AP5Z1: variants seen among roughly 807,000 people sequenced by gnomAD.
The protein encoded by AP5Z1 is AP-5 complex subunit zeta-1.
A neutral mutation model predicts 83.0 loss-of-function variants in AP5Z1; 106 were observed. That is an observed-to-expected ratio of 1.28 (90% CI 1.09 to 1.50). AP5Z1 has a LOEUF of 1.50. Ranked by LOEUF, AP5Z1 falls within the 40% of genes most tolerant of loss-of-function variation. The pLI is 0.00. For missense variants in AP5Z1, 1,565 were observed against 1,094.2 expected, an observed-to-expected ratio of 1.43 and a Z score of -6.07; for synonymous variants, 751 against 514.1, an observed-to-expected ratio of 1.46 and a Z score of -6.23.
intron 7 of AP5Z1, 135 bp from the exon 8 acceptor site, chr7:4,785,280 A>T: frequency 1.2e-5 from 16 of 1,336,616 alleles, no homozygotes; most frequent in Non-Finnish European, 1.2e-5. Context: ...CCTCAGTCCC[A>T]CTCAAGTCCT....
Position 4,784,933 on chromosome 7 carries a change from C to T in AP5Z1, c.816C>T (p.Ser272=). 1 of 1,611,936 alleles carries T rather than the reference C, an allele frequency of 6.2e-7. No individual in the cohort carries two copies. The highest frequency in any genetic ancestry group is 8.5e-7 in the Non-Finnish European group (1 of 1,179,414). The change falls in exon 7 of 17, where the codon TCC becomes TCT. Residue 272 remains serine, a synonymous_variant. Transcript: ENST00000649063. ...ATGACAGGTCAGAGCAGGAGGGCTC[C>T]ACTCTGTCGGTGATCTCCGCCACCT... ...DTDDRSEQEG[S]TLSVISATSS...
In AP5Z1 at chr7:4,792,071, G is replaced by A. The variant is rs903469949; in HGVS notation, c.*686G>A. On this transcript the variant is annotated 3_prime_UTR_variant, in exon 17 of 17. Coordinates refer to ENST00000649063, the MANE Select transcript of AP5Z1 (RefSeq NM_014855.3). ...AGGCTGCGGCCTCTGGCCATTCGGAGGGAAGGCCCCAGGGAGCCACCTGAG... is the reference window on the plus strand; with the variant it reads ...AGGCTGCGGCCTCTGGCCATTCGGAAGGAAGGCCCCAGGGAGCCACCTGAG... 2 of 152,306 alleles carry A rather than the reference G, an allele frequency of 1.3e-5. No individual in the cohort carries two copies. Among genetic ancestry groups the A allele is most frequent in the East Asian group, 3.9e-4 (2 of 5,184 alleles). 9.4% of individuals were successfully genotyped at this position (152,306 alleles called of 1,614,324 possible).
chr7:4,784,007 C>T (rs1200339519), intron 5 of AP5Z1, among the ~76,000 whole-genome samples, 196 bp from the exon 6 acceptor site: 1 of 152,190 alleles, frequency 6.6e-6, no homozygotes, highest in Non-Finnish European at 1.5e-5. Context: ...GTCCCAGGGC[C>T]TGCGGAGCAG....
Position 4,788,928 on chromosome 7 carries a change from G to A in AP5Z1, c.1684G>A (p.Ala562Thr), listed in dbSNP as rs1191211739. ...CCAGGCCGTGCCCACGCTGCTGCAG[G>A]CATTCTTCTCAGCAGTGACCCAGGT... ...CAQAVPTLLQ[A>T]FFSAVTQVAD... Residue 562 changes from alanine (A) to threonine (T), a missense_variant, in exon 13 of 17, where the codon GCA becomes ACA. By Grantham distance (58) the Ala-to-Thr change is moderately conservative. Coordinates refer to ENST00000649063, the MANE Select transcript of AP5Z1 (RefSeq NM_014855.3). 6.2e-7 allele frequency: 1 copy of A among 1,611,284 alleles called. No individual in the cohort carries two copies.
chr7:4,786,234 G>A lies in AP5Z1; in HGVS notation c.1133-16G>A, dbSNP rs1781539377. 1 of 1,587,716 alleles carries A rather than the reference G, an allele frequency of 6.3e-7. No individual in the cohort carries two copies. Among genetic ancestry groups the A allele is most frequent in the Non-Finnish European group, 8.6e-7 (1 of 1,165,710 alleles). On this transcript the variant is annotated splice_polypyrimidine_tract_variant and intron_variant, in intron 9 of 16. Transcript: ENST00000649063. ...CGAGGTCAAGACGTGTGCCCTGGCG[G>A]GCCCTGGTCTTGCAGGGGAAGCGGC...
intron 1 of AP5Z1, 21 bp downstream of exon 1, chr7:4,775,777 C>A (rs758861675): frequency 2.8e-5 from 45 of 1,600,992 alleles, no homozygotes; most frequent in Non-Finnish European, 3.4e-5. Context: ...GCTGCGGCCC[C>A]GGCCCTCCTT....
Position 4,783,404 on chromosome 7 carries a change from A to G in AP5Z1, c.455A>G (p.His152Arg). Reference sequence around the variant, plus strand: ...CAGCCTGAGGGACCCAGCCTCAGACACCTCCTCCCCGTCATGGCCAAGGTC... The same window carrying G: ...CAGCCTGAGGGACCCAGCCTCAGACGCCTCCTCCCCGTCATGGCCAAGGTC... ...SRQPEGPSLR[H>R]LLPVMAKVVV... Residue 152 changes from histidine (H) to arginine (R), a missense_variant, in exon 4 of 17, where the codon CAC (histidine) becomes CGC (arginine). By Grantham distance (29) the His-to-Arg change is conservative (BLOSUM62 0). Coordinates refer to ENST00000649063, the MANE Select transcript of AP5Z1 (RefSeq NM_014855.3). 1.2e-6 allele frequency: 2 copies of G among 1,612,762 alleles called. No homozygotes were observed. Among genetic ancestry groups the G allele is most frequent in the Non-Finnish European group, 1.7e-6 (2 of 1,179,692 alleles).
chr7:4,784,186 G>A lies in AP5Z1; in HGVS notation c.622-17G>A. On this transcript the variant is annotated splice_polypyrimidine_tract_variant and intron_variant, in intron 5 of 16. Coordinates refer to ENST00000649063, the MANE Select transcript of AP5Z1 (RefSeq NM_014855.3). Reference sequence around the variant, plus strand: ...GCCTCGGCCCCCTCCGCCCACTCCTGCCTGTCCTTCCCACAGCCGGGCCCC... The same window carrying A: ...GCCTCGGCCCCCTCCGCCCACTCCTACCTGTCCTTCCCACAGCCGGGCCCC... 1 of 1,577,602 alleles carries A rather than the reference G, an allele frequency of 6.3e-7. No individual in the cohort carries two copies. Among genetic ancestry groups the A allele is most frequent in the Non-Finnish European group, 8.6e-7 (1 of 1,163,018 alleles).
intron 3 of AP5Z1, among the ~76,000 whole-genome samples, chr7:4,783,066 A>G (rs1781427216): frequency 6.6e-6 from 1 of 152,108 alleles, no homozygotes; most frequent in South Asian, 2.1e-4. Context: ...TGTTTTTAGC[A>G]TTGAATCAGC....
intron 1 of AP5Z1, among the ~76,000 whole-genome samples, chr7:4,779,043 T>TATAG (rs564736030): frequency 1.9e-4 from 28 of 145,324 alleles, no homozygotes; most frequent in Non-Finnish European, 3.0e-4. Flanking sequence ...AAAATATATA[T>TATAG]ATAGATAGAT....
Position 4,784,931 on chromosome 7 carries a change from T to TCC in AP5Z1, c.815_816dup (p.Thr273ProfsTer5). On this transcript the variant is annotated frameshift_variant, in exon 7 of 17. Coordinates refer to ENST00000649063, the MANE Select transcript of AP5Z1 (RefSeq NM_014855.3). LOFTEE classifies it high-confidence loss of function. ...AGATGACAGGTCAGAGCAGGAGGGCTCCACTCTGTCGGTGATCTCCGCCAC... is the reference window on the plus strand; with the variant it reads ...AGATGACAGGTCAGAGCAGGAGGGCTCCCCACTCTGTCGGTGATCTCCGCCAC... The TCC allele has an allele frequency of 6.2e-7, 1 of 1,611,922 alleles. No homozygotes were observed. Among genetic ancestry groups the TCC allele is most frequent in the Non-Finnish European group, 8.5e-7 (1 of 1,179,402 alleles).
rs916151384 is a variant in AP5Z1, at chr7:4,792,408, C to G, written c.*1023C>G. 6.7e-6 allele frequency: 1 copy of G among 148,440 alleles called. No homozygotes were observed. Among genetic ancestry groups the G allele is most frequent in the Non-Finnish European group, 1.5e-5 (1 of 66,920 alleles). The allele number at this position is 148,440 out of a possible 1,614,324, so 9.2% of individuals were successfully genotyped here. On this transcript the variant is annotated 3_prime_UTR_variant, in exon 17 of 17. Coordinates refer to ENST00000649063, the MANE Select transcript of AP5Z1 (RefSeq NM_014855.3). ...CCGCCCCCAATCCCCCATAGCTCTG[C>G]GACTAAGAAACCACAGGCTGAAGGC...
chr7:4,781,407 GT>G, intron 2 of AP5Z1, 95 bp downstream of exon 2: 1 of 1,583,200 alleles, frequency 6.3e-7, no homozygotes, highest in Non-Finnish European at 8.6e-7. Context: ...CTCCTTGGGG[GT>G]TGAGTCATTT....
intron 3 of AP5Z1, among the ~76,000 whole-genome samples, chr7:4,782,015 G>T (rs1781395811): frequency 6.6e-6 from 1 of 152,216 alleles, no homozygotes; most frequent in Non-Finnish European, 1.5e-5. Flanking sequence ...GAGACAGCGA[G>T]TCAGTGGAGG....
In AP5Z1 at chr7:4,783,449, C is replaced by T. The variant is rs748108455; in HGVS notation, c.500C>T (p.Thr167Ile). ...MAKVVVLSPGTLQEDQATLLS... is the reference protein window; with the variant it reads ...MAKVVVLSPGILQEDQATLLS... ...AAGGTCGTGGTCCTCAGCCCGGGCA[C>T]CCTCCAGGAGGGTACGCGGGGCCCC... The change falls in exon 4 of 17, where the codon ACC becomes ATC. Residue 167 changes from threonine to isoleucine, a missense_variant. By Grantham distance (89) the Thr-to-Ile change is moderately conservative. Coordinates refer to ENST00000649063, the MANE Select transcript of AP5Z1 (RefSeq NM_014855.3). 3 of 1,612,554 alleles carry T rather than the reference C, an allele frequency of 1.9e-6. No individual in the cohort carries two copies. The highest frequency in any genetic ancestry group is 1.1e-5 in the South Asian group (1 of 91,044).
rs1375283954 is a variant in AP5Z1 at position 4,785,413 on chromosome 7, A to G, written c.932-2A>G. On this transcript the variant is annotated splice_acceptor_variant, in intron 7 of 16. Transcript: ENST00000649063. LOFTEE classifies it high-confidence loss of function. ...CCGGCTGACTTTTTCCCCTCCTTCC[A>G]GGAGCCCTGAGGAAGGGGGACTCCG... 9 of 1,612,864 alleles carry G rather than the reference A, an allele frequency of 5.6e-6. No homozygotes were observed. Among genetic ancestry groups the G allele is most frequent in the South Asian group, 1.1e-5 (1 of 90,952 alleles).
At chr7:4,784,427 G>A in intron 6 of AP5Z1, 56 bp downstream of exon 6, 1 of 1,529,448 alleles carries the variant, frequency 6.5e-7, no homozygotes, top group Non-Finnish European at 8.8e-7. Flanking sequence ...CGCACTATGG[G>A]TTGGTCGCAG....
Position 4,791,442 on chromosome 7 carries a change from A to G in AP5Z1, c.*57A>G. On this transcript the variant is annotated 3_prime_UTR_variant, in exon 17 of 17. Transcript: ENST00000649063. Reference sequence around the variant, plus strand: ...TAAGAGCCTGGGCAGCCAGCTTGCTACTGAGGCCAGGCTGATAGGAGCTCA... The same window carrying G: ...TAAGAGCCTGGGCAGCCAGCTTGCTGCTGAGGCCAGGCTGATAGGAGCTCA... 1.3e-6 allele frequency: 2 copies of G among 1,529,044 alleles called. No homozygotes were observed. Among genetic ancestry groups the G allele is most frequent in the Non-Finnish European group, 8.8e-7 (1 of 1,134,242 alleles). The allele number at this position is 1,529,044 out of a possible 1,614,324, so 94.7% of individuals were successfully genotyped here.
At chr7:4,778,811 TTA>T (rs1053816184) in intron 1 of AP5Z1, among the ~76,000 whole-genome samples, 200 of 145,730 alleles carry the variant, frequency 1.4e-3, no homozygotes, top group Middle Eastern at 0.011. Context: ...ATGTTATATA[TTA>T]TATGTTATAT....
Sources: gnomAD v4.1 joint callset for allele counts (sites outside exome capture counted in the v4.1 genomes callset) on GRCh38, gnomAD v4.1.1 for gene constraint, MANE v1.5 for transcripts, NCBI Gene and HGNC (gene_info 2026-07-23, HGNC 2026-07-21) for gene names.